DGKI: variants seen among roughly 807,000 people sequenced by gnomAD.
The protein encoded by DGKI is diacylglycerol kinase iota.
A neutral mutation model predicts 147.5 loss-of-function variants in DGKI; 55 were observed. The observed-to-expected ratio is 0.37, with a 90% CI of 0.30 to 0.47. The LOEUF is 0.47. DGKI is among the 20% of genes least tolerant of loss of function. The pLI is 1.00. For synonymous variants in DGKI, 469 were observed against 477.1 expected (o/e 0.98, Z 0.22); for missense variants, 1,007 against 1,323.8 (o/e 0.76, Z 3.71).
chr7:137,426,729 A>T (rs962873629), intron 28 of DGKI, among the ~76,000 whole-genome samples: 1 of 151,618 alleles, frequency 6.6e-6, no homozygotes, highest in South Asian at 2.1e-4. Context: ...TGGAAAACAA[A>T]AAAAGGCAGG....
At chr7:137,617,124 CAAAAAAAAAA>C (rs60654879) in intron 8 of DGKI, among the ~76,000 whole-genome samples, 20 of 48,132 alleles carry the variant, frequency 4.2e-4, no homozygotes, top group Middle Eastern at 0.021. Context: ...TCCCTTTTAC[CAAAAAAAAAA>C]AAAAAAAAAA....
chr7:137,804,995 C>T (rs1338256435), intron 1 of DGKI, among the ~76,000 whole-genome samples: 3 of 152,132 alleles, frequency 2.0e-5, no homozygotes, highest in Non-Finnish European at 2.9e-5. Context: ...AGAGAAACCC[C>T]AGAAGCAGCT....
chr7:137,427,703 A>G (rs1486432643), intron 28 of DGKI, among the ~76,000 whole-genome samples: 1 of 151,950 alleles, frequency 6.6e-6, no homozygotes, highest in African/African-American at 2.4e-5. Flanking sequence ...ATGCAATAAA[A>G]AATGATAAAG....
chr7:137,680,672 C>T (rs771708156), intron 2 of DGKI, among the ~76,000 whole-genome samples: 2 of 151,970 alleles, frequency 1.3e-5, no homozygotes, highest in Non-Finnish European at 2.9e-5. Flanking sequence ...CCCAGCTACT[C>T]AGGAGCCTGA....
chr7:137,494,389 A>C (rs1815884147), intron 21 of DGKI, among the ~76,000 whole-genome samples: 1 of 152,156 alleles, frequency 6.6e-6, no homozygotes, highest in African/African-American at 2.4e-5. Flanking sequence ...CCAAGGAAAA[A>C]ATGAAAGGAA....
chr7:137,478,371 C>T (rs912527367), intron 23 of DGKI, among the ~76,000 whole-genome samples: 3 of 152,130 alleles, frequency 2.0e-5, no homozygotes, highest in Non-Finnish European at 2.9e-5. Flanking sequence ...GGGTTTCTTC[C>T]GTACGCAGGG....
chr7:137,399,759 A>C (rs1811682338), intron 30 of DGKI, among the ~76,000 whole-genome samples: 1 of 151,900 alleles, frequency 6.6e-6, no homozygotes, highest in Admixed American at 6.6e-5. Context: ...AAAATACAAT[A>C]ATTAGCCCAG....
intron 8 of DGKI, among the ~76,000 whole-genome samples, chr7:137,609,940 G>A (rs2128993066): frequency 6.6e-6 from 1 of 152,100 alleles, no homozygotes; most frequent in African/African-American, 2.4e-5. Flanking sequence ...CCAGTCTCCC[G>A]CCCAACCAGG....
At chr7:137,711,838 C>T (rs987843864) in intron 1 of DGKI, among the ~76,000 whole-genome samples, 7 of 151,656 alleles carry the variant, frequency 4.6e-5, no homozygotes, top group Non-Finnish European at 8.8e-5. Flanking sequence ...GGATTACAGG[C>T]GCCCACCAAC....
At chr7:137,533,396 AAAAG>A (rs1817409311) in intron 20 of DGKI, among the ~76,000 whole-genome samples, 1 of 152,112 alleles carries the variant, frequency 6.6e-6, no homozygotes, top group Admixed American at 6.6e-5. Flanking sequence ...AAAACAATGA[AAAAG>A]AAAGAAAATA....
At chr7:137,756,681 A>T (rs1795693412) in intron 1 of DGKI, among the ~76,000 whole-genome samples, 1 of 152,186 alleles carries the variant, frequency 6.6e-6, no homozygotes, top group African/African-American at 2.4e-5. Flanking sequence ...CATATCTACG[A>T]TCTAAAAGAC....
intron 28 of DGKI, among the ~76,000 whole-genome samples, chr7:137,425,303 C>A (rs1035778681): frequency 2.0e-5 from 3 of 152,200 alleles, no homozygotes; most frequent in African/African-American, 4.8e-5. Context: ...TGGAGTGGAC[C>A]TCTAGCAAAC....
rs78960935 is a variant in DGKI, at chr7:137,817,452, C to T, written c.401+29010G>A. On this transcript the variant is annotated intron_variant, in intron 1 of 32. Coordinates refer to ENST00000614521, the MANE Select transcript of DGKI (RefSeq NM_001321708.2). ...AAATAATACTAAAGGTGATAAGTGA[C>T]GTACATTCAATAATAACAAAGTGTT... Among the ~76,000 whole-genome samples the T allele has an allele frequency of 5.1e-3, 783 of 152,244 alleles. 2 individuals carry two copies. The highest frequency in any genetic ancestry group is 8.8e-3 in the Non-Finnish European group (600 of 68,012).
At chr7:137,662,312 C>T (rs1284562149) in intron 3 of DGKI, among the ~76,000 whole-genome samples, 3 of 147,816 alleles carry the variant, frequency 2.0e-5, no homozygotes, top group Non-Finnish European at 4.4e-5. Context: ...GGCGGGATCT[C>T]GGCTCACTGC....
intron 7 of DGKI, among the ~76,000 whole-genome samples, chr7:137,621,843 C>G (rs1300780536): frequency 6.6e-6 from 1 of 152,150 alleles, no homozygotes; most frequent in Non-Finnish European, 1.5e-5. Flanking sequence ...CTGCACAGGG[C>G]AGGAGCAGAT....
chr7:137,407,771 C>A, intron 30 of DGKI, 104 bp downstream of exon 30: 3 of 1,455,588 alleles, frequency 2.1e-6, no homozygotes, highest in Non-Finnish European at 2.8e-6. Flanking sequence ...GAGAGTATTT[C>A]TGCCATTCTG....
At chr7:137,678,779 C>T in intron 2 of DGKI, 127 bp from the exon 3 acceptor site, 1 of 796,504 alleles carries the variant, frequency 1.3e-6, no homozygotes. Context: ...CTCATTTGAC[C>T]ACTAAAAGTA....
Position 137,385,342 on chromosome 7 carries a change from T to C in DGKI, c.*5878A>G, listed in dbSNP as rs1416403734. The C allele has an allele frequency of 6.6e-6, 1 of 152,082 alleles. No homozygotes were observed. The highest frequency in any genetic ancestry group is 1.5e-5 in the Non-Finnish European group (1 of 67,986). The allele number at this position is 152,082 out of a possible 1,614,324, so 9.4% of individuals were successfully genotyped here. A position where few individuals can be genotyped will look rare whatever the true frequency, so the allele number is the denominator to read the frequency against. Reference sequence around the variant, plus strand: ...AAGTTTAACAAATCAAAAATCAAGATTTTCATGAGTTTTTAAAATAAAATC... The same window carrying C: ...AAGTTTAACAAATCAAAAATCAAGACTTTCATGAGTTTTTAAAATAAAATC... On this transcript the variant is annotated 3_prime_UTR_variant, in exon 33 of 33. Transcript: ENST00000614521.
Position 137,587,085 on chromosome 7 carries a change from A to G in DGKI, c.1425+12T>C, listed in dbSNP as rs763156858. The stretch of plus-strand genomic sequence containing the variant: ...TTTGATGATATGGGCAGTCCCCGAG[A>G]GCAGTTCTTACCCCTCCCCAGTTGA... On this transcript the variant is annotated intron_variant, in intron 13 of 32. Coordinates refer to ENST00000614521, the MANE Select transcript of DGKI (RefSeq NM_001321708.2). 1.0e-5 allele frequency: 16 copies of G among 1,570,254 alleles called. No individual in the cohort carries two copies. In the South Asian group the frequency reaches 1.7e-4, roughly 16 times the overall value.
Sources: allele counts gnomAD v4.1 joint callset (sites outside exome capture counted in the v4.1 genomes callset), GRCh38; gene constraint gnomAD v4.1.1; transcripts MANE v1.5; gene names NCBI Gene and HGNC (gene_info 2026-07-23, HGNC 2026-07-21).